Variants in ACP7 observed in about 807,000 individuals in gnomAD.
ACP7 encodes acid phosphatase 7, tartrate resistant (putative), also known as acid phosphatase type 7.
ACP7 carries 58 observed loss-of-function variants against 60.6 expected under a neutral mutation model. The ratio of observed to expected loss-of-function variants is 0.96; its 90% CI spans 0.77 to 1.19. The LOEUF is 1.19. Among genes scored for constraint, ACP7 ranks in the 50% most tolerant of loss-of-function variants. ACP7 has a pLI of 0.00. For synonymous variants in ACP7, 237 were observed against 232.6 expected (o/e 1.02, Z -0.17); for missense variants, 574 against 596.2 (o/e 0.96, Z 0.39).
intron 2 of ACP7, among the ~76,000 whole-genome samples, chr19:39,096,492 C>T (rs2073267532): frequency 6.6e-6 from 1 of 152,168 alleles, no homozygotes; most frequent in African/African-American, 2.4e-5. Flanking sequence ...GTATTTTTGT[C>T]AAAGCCATTC....
At chr19:39,107,774 T>G (rs548242806) in intron 12 of ACP7, among the ~76,000 whole-genome samples, 1 of 151,908 alleles carries the variant, frequency 6.6e-6, no homozygotes, top group Non-Finnish European at 1.5e-5. Context: ...TAATCCCAGC[T>G]ACAAGGGAGG....
intron 11 of ACP7, among the ~76,000 whole-genome samples, chr19:39,104,644 G>A (rs368434771): frequency 1.8e-3 from 268 of 152,324 alleles, no homozygotes; most frequent in African/African-American, 6.0e-3. Flanking sequence ...AACACTTTGG[G>A]AAGCTGAGGC....
At position 39,107,019 on chromosome 19, in the gene ACP7, G is replaced by C. The variant is rs1286134259; in HGVS notation, c.1186G>C (p.Gly396Arg). The change falls in exon 12 of 13, where the codon GGG (glycine) becomes CGG (arginine). Residue 396 changes from glycine (G) to arginine (R), a missense_variant. Physicochemically the swap from Gly to Arg is moderately radical, Grantham distance 125 (BLOSUM62 -2). Coordinates refer to ENST00000331256, the MANE Select transcript of ACP7 (RefSeq NM_001004318.3). ...PWSAVRVKEY[G>R]YTRLHILNGT... ...GAGTGCCGTGCGTGTGAAGGAGTAC[G>C]GGTATACGCGGCTGCACATCCTCAA... is the stretch of plus-strand genomic sequence containing the variant. The C allele has an allele frequency of 3.1e-6, 5 of 1,614,068 alleles. No individual in the cohort carries two copies. The highest frequency in any genetic ancestry group is 4.2e-6 in the Non-Finnish European group (5 of 1,180,026).
intron 11 of ACP7, among the ~76,000 whole-genome samples, chr19:39,103,824 C>G (rs546042452): frequency 6.6e-6 from 1 of 152,222 alleles, no homozygotes; most frequent in South Asian, 2.1e-4. Context: ...GAGACCCCAT[C>G]TCAAAAACAA....
In ACP7 at chr19:39,101,337, G is replaced by A. The variant is rs2073342593; in HGVS notation, c.1023G>A (p.Trp341Ter). 6.2e-7 allele frequency: 1 copy of A among 1,614,164 alleles called. No individual in the cohort carries two copies. Among genetic ancestry groups the A allele is most frequent in the East Asian group, 2.2e-5 (1 of 44,882 alleles). ...ATGAGCACTCGTATGAACGACTGTG[G>A]CCAATTTACAACTACCAGGTGAGGC... ...WAHEHSYERLWPIYNYQVFNG... is the reference protein window; with the variant it reads ...WAHEHSYERL Residue 341 changes from tryptophan to a stop codon, truncating the protein, a stop_gained, in exon 10 of 13, where the codon TGG becomes TGA. Transcript: ENST00000331256. LOFTEE classifies it high-confidence loss of function.
intron 11 of ACP7, among the ~76,000 whole-genome samples, chr19:39,103,441 GTTTTTTTTTT>G (rs58293250): frequency 1.5e-5 from 1 of 64,690 alleles, no homozygotes; most frequent in African/African-American, 6.7e-5. Flanking sequence ...ATCATCATGT[GTTTTTTTTTT>G]TTTTTTTTTT....
At chr19:39,086,300 C>T (rs1219910819) in intron 2 of ACP7, among the ~76,000 whole-genome samples, 1 of 151,496 alleles carries the variant, frequency 6.6e-6, no homozygotes, top group African/African-American at 2.4e-5. Flanking sequence ...ACACTCCAGC[C>T]TGGGCAACAG....
At position 39,101,013 on chromosome 19, in the gene ACP7, G is replaced by A. The variant is rs150607124; in HGVS notation, c.872G>A (p.Cys291Tyr). ...IITMGHRPMY[C>Y]SNADLDDCTR... ...ACTATGGGGCACCGGCCCATGTACT[G>A]CTCCAACGCAGATCTGGACGACTGC... Residue 291 changes from cysteine (C) to tyrosine (Y), a missense_variant, in exon 8 of 13, where the codon TGC (cysteine) becomes TAC (tyrosine). Coordinates refer to ENST00000331256, the MANE Select transcript of ACP7 (RefSeq NM_001004318.3). 1.5e-3 allele frequency: 2,474 copies of A among 1,613,922 alleles called. 5 individuals are homozygous for A. The highest frequency in any genetic ancestry group is 1.9e-3 in the Non-Finnish European group (2,201 of 1,180,030).
chr19:39,111,061 G>A lies in ACP7; in HGVS notation c.*943G>A, dbSNP rs1304265548. On this transcript the variant is annotated 3_prime_UTR_variant, in exon 13 of 13. Transcript: ENST00000331256. ...AGAGGGCAACATTTGATCTGAAGGA[G>A]GTGGGGAAGGAGCCAAGTGGGCAGA... 6.6e-6 allele frequency: 1 copy of A among 152,258 alleles called. No individual in the cohort carries two copies. Among genetic ancestry groups the A allele is most frequent in the Non-Finnish European group, 1.5e-5 (1 of 68,062 alleles). The allele number at this position is 152,258 out of a possible 1,614,324, so 9.4% of individuals were successfully genotyped here. A position where few individuals can be genotyped will look rare whatever the true frequency, so the allele number is the denominator to read the frequency against.
chr19:39,087,465 G>A (rs1022273566), intron 2 of ACP7, among the ~76,000 whole-genome samples: 21 of 151,894 alleles, frequency 1.4e-4, no homozygotes, highest in African/African-American at 5.1e-4. Flanking sequence ...GAGAAAAGTT[G>A]CTTGTTTTTT....
At chr19:39,096,687 T>A (rs2073269471) in intron 2 of ACP7, among the ~76,000 whole-genome samples, 1 of 152,204 alleles carries the variant, frequency 6.6e-6, no homozygotes, top group South Asian at 2.1e-4. Flanking sequence ...ATGCTGCTGA[T>A]AAAGACATAC....
At position 39,101,344 on chromosome 19, in the gene ACP7, T is replaced by C; in HGVS notation, c.1030T>C (p.Tyr344His). 6.2e-7 allele frequency: 1 copy of C among 1,614,146 alleles called. No individual in the cohort carries two copies. The highest frequency in any genetic ancestry group is 8.5e-7 in the Non-Finnish European group (1 of 1,180,038). ...CTCGTATGAACGACTGTGGCCAATT[T>C]ACAACTACCAGGTGAGGCACGTGAA... ...EHSYERLWPI[Y>H]NYQVFNGSRE... is the part of the protein sequence containing the mutation. Residue 344 changes from tyrosine (Y) to histidine (H), a missense_variant, in exon 10 of 13, where the codon TAC (tyrosine) becomes CAC (histidine). Tyr to His is a moderately conservative substitution (Grantham distance 83). Transcript: ENST00000331256.
At chr19:39,098,695 T>A in intron 3 of ACP7, 37 bp downstream of exon 3, 1 of 1,565,024 alleles carries the variant, frequency 6.4e-7, no homozygotes, top group Non-Finnish European at 8.7e-7. Context: ...TGAGGAGGAG[T>A]GGGAAGAGGA....
rs1568481188 is a variant in ACP7 at position 39,100,869 on chromosome 19, G to A, written c.807+16G>A. 1.2e-6 allele frequency: 2 copies of A among 1,611,972 alleles called. No homozygotes were observed. The highest frequency in any genetic ancestry group is 1.7e-6 in the Non-Finnish European group (2 of 1,179,372). On this transcript the variant is annotated intron_variant, in intron 7 of 12. Transcript: ENST00000331256. Reference sequence around the variant, plus strand: ...CGACCTCCAGGTAACCTGGGTGGAGGCCCCTATAGTCCCCTGGCCAGCCCC... The same window carrying A: ...CGACCTCCAGGTAACCTGGGTGGAGACCCCTATAGTCCCCTGGCCAGCCCC...
At chr19:39,085,428 G>T in intron 2 of ACP7, 38 bp downstream of exon 2, 1 of 1,579,218 alleles carries the variant, frequency 6.3e-7, no homozygotes, top group African/African-American at 1.4e-5. Flanking sequence ...CTCTACCAGA[G>T]AGGCCCAGCG....
In ACP7 at chr19:39,110,855, T is replaced by G. The variant is rs967686844; in HGVS notation, c.*737T>G. On this transcript the variant is annotated 3_prime_UTR_variant, in exon 13 of 13. Coordinates refer to ENST00000331256, the MANE Select transcript of ACP7 (RefSeq NM_001004318.3). ...TGAGCATCTACCATGTGCCAGGCTC[T>G]GTTCTCAGTGCTGGAGAGACAGCTG... 2 of 152,250 alleles carry G rather than the reference T, an allele frequency of 1.3e-5. No individual in the cohort carries two copies. Among genetic ancestry groups the G allele is most frequent in the African/African-American group, 4.8e-5 (2 of 41,460 alleles). 9.4% of individuals were successfully genotyped at this position (152,250 alleles called of 1,614,324 possible).
chr19:39,100,590 A>G lies in ACP7; in HGVS notation c.640A>G (p.Asn214Asp). 1 of 1,613,874 alleles carries G rather than the reference A, an allele frequency of 6.2e-7. No homozygotes were observed. Among genetic ancestry groups the G allele is most frequent in the Non-Finnish European group, 8.5e-7 (1 of 1,179,892 alleles). Residue 214 changes from asparagine to aspartate, a missense_variant, in exon 6 of 13, where the codon AAC becomes GAC. Physicochemically the swap from Asn to Asp is conservative, Grantham distance 23. Coordinates refer to ENST00000331256, the MANE Select transcript of ACP7 (RefSeq NM_001004318.3). ...GNHEERYNFSNYKARFSMPGD... is the reference protein window; with the variant it reads ...GNHEERYNFSDYKARFSMPGD... Reference sequence around the variant, plus strand: ...CTTCCTTTATTCCAGCAACTTCTCTAACTACAAGGCTCGCTTCAGCATGCC... The same window carrying G: ...CTTCCTTTATTCCAGCAACTTCTCTGACTACAAGGCTCGCTTCAGCATGCC...
At chr19:39,091,648 C>G (rs1189205030) in intron 2 of ACP7, among the ~76,000 whole-genome samples, 1 of 152,062 alleles carries the variant, frequency 6.6e-6, no homozygotes, top group Non-Finnish European at 1.5e-5. Flanking sequence ...ACCTGGTTGG[C>G]CACAGTGGCT....
chr19:39,087,696 T>C (rs981146313), intron 2 of ACP7, among the ~76,000 whole-genome samples: 1 of 150,926 alleles, frequency 6.6e-6, no homozygotes, highest in South Asian at 2.1e-4. Flanking sequence ...TGCAATGGCA[T>C]GATCTTGGCT....
Sources: gnomAD v4.1 joint callset for allele counts (sites outside exome capture counted in the v4.1 genomes callset) on GRCh38, gnomAD v4.1.1 for gene constraint, MANE v1.5 for transcripts, NCBI Gene and HGNC (gene_info 2026-07-23, HGNC 2026-07-21) for gene names.